Variants in DCN observed in about 807,000 individuals in gnomAD.
DCN encodes the protein decorin.
In DCN, 17 loss-of-function variants were observed where a neutral mutation model predicts 36.5. The observed-to-expected ratio is 0.47, with a 90% CI of 0.32 to 0.70. The LOEUF (loss-of-function observed/expected upper bound fraction) is 0.70, where lower values mean the gene tolerates loss of function less well. Among genes scored for constraint, DCN ranks in the 30% least tolerant of loss-of-function variants. The pLI is 0.04. For synonymous variants in DCN, 163 were observed against 161.4 expected (o/e 1.01, Z -0.07); for missense variants, 389 against 430.1 (o/e 0.90, Z 0.84).
At chr12:91,178,280 G>T in intron 2 of DCN, 62 bp downstream of exon 2, 1 of 1,407,914 alleles carries the variant, frequency 7.1e-7, no homozygotes, top group Non-Finnish European at 1.0e-6. Context: ...TAAACTCTCA[G>T]AGTTGCCATT....
chr12:91,172,617 A>C, intron 2 of DCN: 1 of 514,476 alleles, frequency 1.9e-6, no homozygotes, highest in Non-Finnish European at 3.4e-6. Flanking sequence ...AGTTGTCCTT[A>C]AAGGGAAGGA....
chr12:91,155,327 C>A (rs1295899821), intron 5 of DCN, among the ~76,000 whole-genome samples: 2 of 152,114 alleles, frequency 1.3e-5, no homozygotes, highest in Non-Finnish European at 2.9e-5. Flanking sequence ...GACTCCATGA[C>A]AAGCATTTGG....
At chr12:91,172,901 A>T in intron 2 of DCN, 1 of 590,936 alleles carries the variant, frequency 1.7e-6, no homozygotes, top group South Asian at 2.2e-5. Flanking sequence ...ATATATAAAA[A>T]GATAAAAGAT....
chr12:91,155,756 T>C (rs1881729361), intron 5 of DCN, among the ~76,000 whole-genome samples: 1 of 152,142 alleles, frequency 6.6e-6, no homozygotes, highest in South Asian at 2.1e-4. Flanking sequence ...AGACTCAACA[T>C]GAAAGTGCTT....
chr12:91,157,743 C>G (rs1475140444), intron 4 of DCN, among the ~76,000 whole-genome samples: 1 of 152,106 alleles, frequency 6.6e-6, no homozygotes, highest in African/African-American at 2.4e-5. Flanking sequence ...ATTCTCCTGC[C>G]TCAGCCTCCC....
chr12:91,158,047 T>G (rs993594176), intron 4 of DCN, among the ~76,000 whole-genome samples: 1 of 152,220 alleles, frequency 6.6e-6, no homozygotes, highest in Non-Finnish European at 1.5e-5. Context: ...TTGCATATTG[T>G]GTGTGTGGTA....
In DCN at chr12:91,145,365, A is replaced by C. The variant is rs972981871; in HGVS notation, c.*693T>G. On this transcript the variant is annotated 3_prime_UTR_variant, in exon 8 of 8. Coordinates refer to ENST00000052754, the MANE Select transcript of DCN (RefSeq NM_001920.5). ...TGTGCTTTATAAGCTTACATTCAAC[A>C]TAGATGACATAAGTTACCATACTCA... 6.5e-6 allele frequency: 1 copy of C among 153,836 alleles called. No individual in the cohort carries two copies. The highest frequency in any genetic ancestry group is 2.4e-5 in the African/African-American group (1 of 41,470). 9.5% of individuals were successfully genotyped at this position (153,836 alleles called of 1,614,324 possible). A position where few individuals can be genotyped will look rare whatever the true frequency, so the allele number is the denominator to read the frequency against.
At chr12:91,151,177 C>T (rs2121169879) in intron 7 of DCN, 1 of 206,040 alleles carries the variant, frequency 4.9e-6, no homozygotes. Flanking sequence ...CAAACCTGCA[C>T]ATTCTGCAAA....
In DCN at chr12:91,146,135, G is replaced by A; in HGVS notation, c.1003C>T (p.Gln335Ter). 2 of 1,613,744 alleles carry A rather than the reference G, an allele frequency of 1.2e-6. No homozygotes were observed. Among genetic ancestry groups the A allele is most frequent in the Non-Finnish European group, 1.7e-6 (2 of 1,179,796 alleles). The part of the protein sequence containing the change: ...SGVSLFSNPV[Q>*]YWEIQPSTFR... ...GTGGATGGCTGTATCTCCCAGTACT[G>A]GACCGGGTTGCTGAAAAGACTCACA... is the stretch of plus-strand genomic sequence containing the variant. Residue 335 changes from glutamine (Q) to a stop codon, truncating the protein, a stop_gained, in exon 8 of 8, where the codon CAG becomes TAG. Transcript: ENST00000052754. LOFTEE classifies it high-confidence loss of function.
At chr12:91,151,321 A>G (rs1047398362) in intron 7 of DCN, 1 of 209,908 alleles carries the variant, frequency 4.8e-6, no homozygotes, top group African/African-American at 2.3e-5. Flanking sequence ...GTGACAGTAA[A>G]AAAAAAGAAT....
intron 2 of DCN, among the ~76,000 whole-genome samples, chr12:91,174,484 T>C (rs1225545455): frequency 2.0e-5 from 3 of 152,086 alleles, no homozygotes; most frequent in Non-Finnish European, 2.9e-5. Context: ...ATTATTCTCA[T>C]TAATACATAA....
At chr12:91,168,316 G>A (rs3138204) in intron 2 of DCN, among the ~76,000 whole-genome samples, 4 of 151,988 alleles carry the variant, frequency 2.6e-5, no homozygotes, top group South Asian at 2.1e-4. Context: ...AAGCATATCC[G>A]TTATCCCTCT....
rs949826415 is a variant in DCN at position 91,143,341 on chromosome 12, A to T, written c.*2717T>A. 6 of 152,322 alleles carry T rather than the reference A, an allele frequency of 3.9e-5. No individual in the cohort carries two copies. The East Asian group carries it at 1.2e-3, about 29-fold the overall frequency. 9.4% of individuals were successfully genotyped at this position (152,322 alleles called of 1,614,324 possible). A position where few individuals can be genotyped will look rare whatever the true frequency, so the allele number is the denominator to read the frequency against. Reference sequence around the variant, plus strand: ...AGCTGTGAGTTCCTTACAGAGGCCAATAAGCAGGAGACAAAAGACAGACAT... The same window carrying T: ...AGCTGTGAGTTCCTTACAGAGGCCATTAAGCAGGAGACAAAAGACAGACAT... On this transcript the variant is annotated 3_prime_UTR_variant, in exon 8 of 8. Transcript: ENST00000052754.
At chr12:91,162,097 T>A (rs1434105294) in intron 3 of DCN, among the ~76,000 whole-genome samples, 2 of 152,016 alleles carry the variant, frequency 1.3e-5, no homozygotes, top group African/African-American at 4.8e-5. Flanking sequence ...CGCGCCACCA[T>A]GCCCAGCTAA....
intron 3 of DCN, among the ~76,000 whole-genome samples, chr12:91,158,978 A>G (rs1466234777): frequency 6.6e-6 from 1 of 151,898 alleles, no homozygotes; most frequent in Non-Finnish European, 1.5e-5. Flanking sequence ...AAAAAGTTAT[A>G]ATATGAGGAC....
rs1216389559 is a variant in DCN at position 91,143,487 on chromosome 12, A to T, written c.*2571T>A. The stretch of plus-strand genomic sequence containing the variant: ...AATCTCAGACCTCGATCCAGAACTG[A>T]CACATAAGAATTTCCCTTGAAATGA... On this transcript the variant is annotated 3_prime_UTR_variant, in exon 8 of 8. Coordinates refer to ENST00000052754, the MANE Select transcript of DCN (RefSeq NM_001920.5). 1 of 152,168 alleles carries T rather than the reference A, an allele frequency of 6.6e-6. No homozygotes were observed. The highest frequency in any genetic ancestry group is 2.4e-5 in the African/African-American group (1 of 41,440). 9.4% of individuals were successfully genotyped at this position (152,168 alleles called of 1,614,324 possible).
chr12:91,171,414 T>C (rs1458509098), intron 2 of DCN, among the ~76,000 whole-genome samples: 3 of 152,218 alleles, frequency 2.0e-5, no homozygotes, highest in African/African-American at 4.8e-5. Context: ...TTTTCTATCC[T>C]GCATGCTCTT....
intron 4 of DCN, 97 bp from the exon 5 acceptor site, chr12:91,157,285 G>A (rs867691361): frequency 4.7e-6 from 4 of 856,708 alleles, no homozygotes; most frequent in East Asian, 2.5e-5. Flanking sequence ...AAAGAAATAG[G>A]GATTAATATC....
At chr12:91,181,292 ATC>A (rs1429364871) in intron 1 of DCN, among the ~76,000 whole-genome samples, 1 of 152,048 alleles carries the variant, frequency 6.6e-6, no homozygotes, top group African/African-American at 2.4e-5. Flanking sequence ...CCATAAAATC[ATC>A]TGTTTTAAAT....
Sources: allele counts gnomAD v4.1 joint callset (sites outside exome capture counted in the v4.1 genomes callset), GRCh38; gene constraint gnomAD v4.1.1; transcripts MANE v1.5; gene names NCBI Gene and HGNC (gene_info 2026-07-23, HGNC 2026-07-21).